Variants in ANK2 observed in about 807,000 individuals in gnomAD.
The protein encoded by ANK2 is ankyrin 2.
Under a neutral mutation model 360.5 loss-of-function variants are expected in ANK2, and 83 were observed. The observed-to-expected ratio is 0.23, with a 90% CI of 0.19 to 0.28. ANK2 has a LOEUF of 0.28. Among genes scored for constraint, ANK2 ranks in the 10% least tolerant of loss-of-function variants. The pLI is 1.00. For synonymous variants in ANK2, 1,740 were observed against 1,759.5 expected (o/e 0.99, Z 0.28); for missense variants, 4,201 against 4,795.7 (o/e 0.88, Z 3.66).
chr4:113,205,128 T>C (rs1054163200), intron 4 of ANK2, among the ~76,000 whole-genome samples: 14 of 144,462 alleles, frequency 9.7e-5, no homozygotes, highest in African/African-American at 3.6e-4. Context: ...CCCAGCTACT[T>C]GGGAGGCTGA....
At chr4:112,712,867 G>C in the ANK2 span, among the ~76,000 whole-genome samples, 119 of 152,174 alleles carry the variant, frequency 7.8e-4, 1 homozygote, top group African/African-American at 2.6e-3. Flanking sequence ...TTTTTTAATA[G>C]ACATATAGTA....
chr4:112,781,794 A>G, the ANK2 span, among the ~76,000 whole-genome samples: 1 of 151,914 alleles, frequency 6.6e-6, no homozygotes, highest in Non-Finnish European at 1.5e-5. Flanking sequence ...GATAATATTA[A>G]GAAATTGTTA....
At chr4:113,004,555 C>A (rs1426535646) in intron 2 of ANK2, among the ~76,000 whole-genome samples, 2 of 152,056 alleles carry the variant, frequency 1.3e-5, no homozygotes, top group African/African-American at 4.8e-5. Flanking sequence ...GACAACAACG[C>A]CTTCTTCTAG....
intron 2 of ANK2, among the ~76,000 whole-genome samples, chr4:112,928,543 C>G (rs1055311834): frequency 2.4e-4 from 36 of 152,008 alleles, no homozygotes; most frequent in Non-Finnish European, 4.7e-4. Flanking sequence ...TAGAATGTGG[C>G]TGTACTTGGT....
chr4:112,926,548 G>C (rs2092583889), intron 2 of ANK2, among the ~76,000 whole-genome samples: 1 of 152,184 alleles, frequency 6.6e-6, no homozygotes, highest in Non-Finnish European at 1.5e-5. Context: ...AGTGCTAGGT[G>C]TTGTCTAACA....
Position 113,327,839 on chromosome 4 carries a change from G to T in ANK2, c.2901-2407G>T, listed in dbSNP as rs143580810. On this transcript the variant is annotated intron_variant, in intron 26 of 45. Coordinates refer to ENST00000357077, the MANE Select transcript of ANK2 (RefSeq NM_001148.6). ...AGGGCACTTGACACTTAATAGGAGG[G>T]TAACAAATGTTGCATTGAAAGGAGC... is the stretch of plus-strand genomic sequence containing the variant. Among the ~76,000 whole-genome samples the T allele has an allele frequency of 1.9e-4, 29 of 152,254 alleles. 1 individual carries two copies. The highest frequency in any genetic ancestry group is 1.9e-3 in the Admixed American group (29 of 15,294).
intron 13 of ANK2, among the ~76,000 whole-genome samples, chr4:113,262,240 T>G (rs1179443074): frequency 6.6e-6 from 1 of 152,160 alleles, no homozygotes; most frequent in Non-Finnish European, 1.5e-5. Context: ...GTTTTTGTTT[T>G]TCTGAGACAC....
intron 1 of ANK2, among the ~76,000 whole-genome samples, chr4:113,075,211 G>A (rs554471383): frequency 2.0e-4 from 31 of 152,264 alleles, no homozygotes; most frequent in African/African-American, 7.0e-4. Context: ...AGAGAAGTAC[G>A]TTTCAACAAA....
chr4:112,732,140 A>G, the ANK2 span, among the ~76,000 whole-genome samples: 6 of 152,094 alleles, frequency 3.9e-5, no homozygotes, highest in Non-Finnish European at 7.4e-5. Context: ...TTAAACATCT[A>G]CCAGCACACC....
chr4:112,895,999 A>C (rs2081619978), intron 1 of ANK2, among the ~76,000 whole-genome samples: 1 of 152,186 alleles, frequency 6.6e-6, no homozygotes, highest in Non-Finnish European at 1.5e-5. Context: ...TTGCCTCAGC[A>C]TGCTGCATAA....
chr4:113,230,162 T>G (rs2153526777), intron 4 of ANK2, among the ~76,000 whole-genome samples: 1 of 152,294 alleles, frequency 6.6e-6, no homozygotes, highest in Middle Eastern at 3.4e-3. Flanking sequence ...CGTTGTTAAT[T>G]CATTCCTCTT....
chr4:113,138,720 T>C (rs904451675), intron 1 of ANK2, among the ~76,000 whole-genome samples: 1 of 152,180 alleles, frequency 6.6e-6, no homozygotes, highest in Admixed American at 6.5e-5. Flanking sequence ...TGTGTTACAG[T>C]TGAAGAAATC....
rs2097193565 is a variant in ANK2, at chr4:113,382,882, CT to C, written c.*1413del. 2.0e-5 allele frequency: 3 copies of C among 152,496 alleles called. No individual in the cohort carries two copies. The South Asian group carries it at 6.2e-4, about 32-fold the overall frequency. The allele number at this position is 152,496 out of a possible 1,614,324, so 9.4% of individuals were successfully genotyped here. A position where few individuals can be genotyped will look rare whatever the true frequency, so the allele number is the denominator to read the frequency against. ...TTTATTTATTTGAAATCCACACTCC[CT>C]TGGAAACTCTTAAGTGCATTTGTGC... is the stretch of plus-strand genomic sequence containing the variant. On this transcript the variant is annotated 3_prime_UTR_variant, in exon 46 of 46. Transcript: ENST00000357077.
At chr4:113,347,479 C>CTGAGCTTTGGCTGATTTCAG (rs2094995789) in intron 35 of ANK2, among the ~76,000 whole-genome samples, 1 of 152,114 alleles carries the variant, frequency 6.6e-6, no homozygotes, top group Admixed American at 6.6e-5. Context: ...AGAAAGATGA[C>CTGAGCTTTGGCTGATTTCAG]TGAGCTTTGG....
chr4:113,191,055 T>C (rs2098653494), intron 2 of ANK2, among the ~76,000 whole-genome samples: 1 of 152,228 alleles, frequency 6.6e-6, no homozygotes, highest in Non-Finnish European at 1.5e-5. Flanking sequence ...ATAGGAGAGT[T>C]GAGGCTGGGT....
At chr4:113,083,503 GA>G (rs1220856937) in intron 1 of ANK2, among the ~76,000 whole-genome samples, 1 of 152,160 alleles carries the variant, frequency 6.6e-6, no homozygotes, top group Admixed American at 6.5e-5. Flanking sequence ...TCTTGAGTTA[GA>G]TAGCAGAATT....
At chr4:112,761,912 T>C in the ANK2 span, among the ~76,000 whole-genome samples, 5 of 152,368 alleles carry the variant, frequency 3.3e-5, no homozygotes, top group African/African-American at 9.6e-5. Flanking sequence ...TTAAGAAATA[T>C]TGATTTCATC....
At chr4:112,855,042 T>C (rs1380739248) in intron 1 of ANK2, among the ~76,000 whole-genome samples, 2 of 152,236 alleles carry the variant, frequency 1.3e-5, no homozygotes, top group South Asian at 2.1e-4. Context: ...AATATTAGCA[T>C]CCTAATATTC....
chr4:113,357,002 G>A lies in ANK2; in HGVS notation c.8384G>A (p.Ser2795Asn), dbSNP rs1335255478. Residue 2795 changes from serine to asparagine, a missense_variant, in exon 38 of 46, where the codon AGT (serine) becomes AAT (asparagine). By Grantham distance (46) the Ser-to-Asn change is conservative. Coordinates refer to ENST00000357077, the MANE Select transcript of ANK2 (RefSeq NM_001148.6). ...GCTCCTGTCTCTTCAGGTCTACAGAGTCCGACTGGTGATGATGTTGATGAA... is the reference window on the plus strand; with the variant it reads ...GCTCCTGTCTCTTCAGGTCTACAGAATCCGACTGGTGATGATGTTGATGAA... ...SAAPVSSGLQ[S>N]PTGDDVDEQP... 1 of 1,614,064 alleles carries A rather than the reference G, an allele frequency of 6.2e-7. No individual in the cohort carries two copies. The highest frequency in any genetic ancestry group is 1.3e-5 in the African/African-American group (1 of 75,030).
Sources: allele counts gnomAD v4.1 joint callset (sites outside exome capture counted in the v4.1 genomes callset), GRCh38; gene constraint gnomAD v4.1.1; transcripts MANE v1.5; gene names NCBI Gene and HGNC (gene_info 2026-07-23, HGNC 2026-07-21).